Variants in MICU2 observed in about 807,000 individuals in gnomAD.
The protein encoded by MICU2 is mitochondrial calcium uptake 2.
A neutral mutation model predicts 60.4 loss-of-function variants in MICU2; 64 were observed. The ratio of observed to expected loss-of-function variants is 1.06; its 90% CI spans 0.87 to 1.31. The LOEUF (loss-of-function observed/expected upper bound fraction) is 1.31. MICU2 is among the 50% of genes most tolerant of loss of function. The pLI, the probability that MICU2 is intolerant of heterozygous loss-of-function variation, is 0.00. For missense variants in MICU2, 569 were observed against 531.0 expected, an observed-to-expected ratio of 1.07 and a Z score of -0.70; for synonymous variants, 201 against 175.0, an observed-to-expected ratio of 1.15 and a Z score of -1.17.
chr13:21,515,384 TA>T (rs1431080299), intron 6 of MICU2: 1 of 216,308 alleles, frequency 4.6e-6, no homozygotes, highest in African/African-American at 2.3e-5. Flanking sequence ...GCCCGGCCTA[TA>T]GTTTTAAAAA....
intron 2 of MICU2, among the ~76,000 whole-genome samples, chr13:21,543,227 T>C (rs917698306): frequency 4.6e-5 from 7 of 152,236 alleles, no homozygotes; most frequent in Middle Eastern, 3.4e-3. Flanking sequence ...ACAGCTAACA[T>C]CATACTACAA....
At chr13:21,526,261 C>G (rs1886853689) in intron 4 of MICU2, among the ~76,000 whole-genome samples, 1 of 151,640 alleles carries the variant, frequency 6.6e-6, no homozygotes, top group Non-Finnish European at 1.5e-5. Flanking sequence ...GCTTTCCTGT[C>G]TCTTATGTCT....
At chr13:21,546,943 CT>C (rs1282564909) in intron 2 of MICU2, among the ~76,000 whole-genome samples, 1 of 152,146 alleles carries the variant, frequency 6.6e-6, no homozygotes, top group Non-Finnish European at 1.5e-5. Flanking sequence ...ACAAAGACAG[CT>C]TTATTTCTCT....
chr13:21,541,737 G>C (rs1399030610), intron 2 of MICU2, among the ~76,000 whole-genome samples: 3 of 152,018 alleles, frequency 2.0e-5, no homozygotes, highest in Non-Finnish European at 4.4e-5. Flanking sequence ...GTAGTAAAAA[G>C]AGCCTGCGGC....
intron 1 of MICU2, among the ~76,000 whole-genome samples, chr13:21,571,559 G>C (rs183475924): frequency 6.6e-6 from 1 of 152,266 alleles, no homozygotes; most frequent in East Asian, 1.9e-4. Flanking sequence ...TTAGCCAGGC[G>C]TGGTGGCAGG....
chr13:21,561,768 G>GGTTA (rs35709605), intron 2 of MICU2, among the ~76,000 whole-genome samples: 46,150 of 140,100 alleles, frequency 0.33, 8,168 homozygotes, highest in Non-Finnish European at 0.39. Context: ...ACAATGTGCA[G>GGTTA]GTTACATATG....
Position 21,502,139 on chromosome 13 carries a change from CA to C in MICU2, c.933+786del, listed in dbSNP as rs1203619628. On this transcript the variant is annotated intron_variant, in intron 9 of 11. Coordinates refer to ENST00000382374, the MANE Select transcript of MICU2 (RefSeq NM_152726.3). Reference sequence around the variant, plus strand: ...TTCTTTTTATATCCATCAAGGCTATCAAGTTTTCTTCTTTTTTTTTGTTAAA... The same window carrying C: ...TTCTTTTTATATCCATCAAGGCTATCAGTTTTCTTCTTTTTTTTTGTTAAA... Among the ~76,000 whole-genome samples the C allele has an allele frequency of 2.0e-4, 28 of 142,446 alleles. No homozygotes were observed. The Admixed American group carries it at 2.1e-3, about 11-fold the overall frequency. The allele number at this position is 142,446 out of a possible 152,430, so 93.5% of individuals were successfully genotyped here. A position where few individuals can be genotyped will look rare whatever the true frequency, so the allele number is the denominator to read the frequency against.
chr13:21,570,144 T>G (rs946313145), intron 1 of MICU2, among the ~76,000 whole-genome samples: 2 of 152,190 alleles, frequency 1.3e-5, no homozygotes, highest in Non-Finnish European at 1.5e-5. Context: ...CAATCAAATT[T>G]AAAGTAAGTA....
chr13:21,517,720 C>T (rs983383207), intron 6 of MICU2, among the ~76,000 whole-genome samples: 1 of 151,518 alleles, frequency 6.6e-6, no homozygotes, highest in African/African-American at 2.4e-5. Context: ...GAGGTTGCAA[C>T]GAGCAGAGAT....
At chr13:21,524,632 A>G (rs908544183) in intron 4 of MICU2, among the ~76,000 whole-genome samples, 3 of 152,356 alleles carry the variant, frequency 2.0e-5, no homozygotes, top group East Asian at 1.9e-4. Flanking sequence ...TAAAATAAAC[A>G]TAACATACAA....
chr13:21,595,469 A>T (rs1888672538), intron 1 of MICU2, among the ~76,000 whole-genome samples: 1 of 152,260 alleles, frequency 6.6e-6, no homozygotes, highest in Non-Finnish European at 1.5e-5. Flanking sequence ...CCTTCAGGAC[A>T]CACTGGTGGG....
At chr13:21,526,595 A>T (rs961694250) in intron 4 of MICU2, among the ~76,000 whole-genome samples, 2 of 152,124 alleles carry the variant, frequency 1.3e-5, no homozygotes, top group African/African-American at 4.8e-5. Context: ...AGTAAGAGTT[A>T]CAAAAGTTTA....
At chr13:21,502,776 G>A in intron 9 of MICU2, 150 bp downstream of exon 9, 1 of 674,836 alleles carries the variant, frequency 1.5e-6, no homozygotes, top group Non-Finnish European at 2.4e-6. Context: ...TTCCTTTACA[G>A]GAGAAGAGCA....
At chr13:21,513,822 T>C (rs577758366) in intron 7 of MICU2, among the ~76,000 whole-genome samples, 2 of 151,224 alleles carry the variant, frequency 1.3e-5, no homozygotes, top group Non-Finnish European at 1.5e-5. Flanking sequence ...TAGAGTATGT[T>C]ACTTCTTATA....
rs943109823 is a variant in MICU2, at chr13:21,573,297, G to A, written c.211-6353C>T. ...ATTTTTTTGTTTTTTTTTTTGAGAC[G>A]GAGTCTCACTCTGTCATCCAGGCTG... On this transcript the variant is annotated intron_variant, in intron 1 of 11. Transcript: ENST00000382374. Among the ~76,000 whole-genome samples, 15 of 150,082 alleles carry A rather than the reference G, an allele frequency of 1.0e-4. No homozygotes were observed. The East Asian group carries it at 1.8e-3, about 18-fold the overall frequency.
chr13:21,532,716 G>A (rs1014641870), intron 4 of MICU2, among the ~76,000 whole-genome samples: 2 of 152,144 alleles, frequency 1.3e-5, no homozygotes, highest in African/African-American at 4.8e-5. Context: ...AAATACTGCC[G>A]AGGTCACATA....
intron 2 of MICU2, among the ~76,000 whole-genome samples, chr13:21,558,593 G>C (rs867304517): frequency 6.6e-6 from 1 of 152,056 alleles, no homozygotes; most frequent in Admixed American, 6.6e-5. Flanking sequence ...AAGAGATAAG[G>C]AGCTATTTGT....
chr13:21,524,727 G>C (rs899661146), intron 4 of MICU2, among the ~76,000 whole-genome samples: 2 of 152,130 alleles, frequency 1.3e-5, no homozygotes, highest in Admixed American at 6.5e-5. Flanking sequence ...TTTTCATCAT[G>C]CTAAACAGAA....
intron 4 of MICU2, among the ~76,000 whole-genome samples, chr13:21,528,047 TATCTC>T (rs1263151130): frequency 6.6e-6 from 1 of 152,206 alleles, no homozygotes; most frequent in African/African-American, 2.4e-5. Context: ...TCTTACAACA[TATCTC>T]ATAATTTATA....
Sources: gnomAD v4.1 joint callset for allele counts (sites outside exome capture counted in the v4.1 genomes callset) on GRCh38, gnomAD v4.1.1 for gene constraint, MANE v1.5 for transcripts, NCBI Gene and HGNC (gene_info 2026-07-23, HGNC 2026-07-21) for gene names.